The following DACH2 variants were observed in gnomAD, a reference collection of about 807,000 sequenced individuals.
DACH2 encodes the protein dachshund homolog 2.
A neutral mutation model predicts 35.8 loss-of-function variants in DACH2; 17 were observed. The observed-to-expected ratio is 0.48, with a 90% CI of 0.33 to 0.71. The LOEUF (loss-of-function observed/expected upper bound fraction) is 0.71, where lower values mean the gene tolerates loss of function less well. Ranked by LOEUF, DACH2 falls within the 30% of genes least tolerant of loss-of-function variation. DACH2 has a pLI of 0.02. For missense variants in DACH2, 469 were observed against 472.7 expected (o/e 0.99, Z 0.07); for synonymous variants, 195 against 177.3 (o/e 1.10, Z -0.79).
At chrX:86,210,860 C>T (rs1328827144) in intron 1 of DACH2, among the ~76,000 whole-genome samples, 2 of 111,638 alleles carry the variant, frequency 1.8e-5, no homozygotes, top group African/African-American at 6.5e-5. Flanking sequence ...GAATGTCAGA[C>T]GTGTCAGGGG....
intron 1 of DACH2, among the ~76,000 whole-genome samples, chrX:86,182,892 T>G (rs762889222): frequency 9.8e-5 from 11 of 111,943 alleles, no homozygotes; most frequent in Non-Finnish European, 1.7e-4. Flanking sequence ...GTCGTCTGCA[T>G]GCCTTATAAG....
chrX:86,735,608 T>C, intron 6 of DACH2, among the ~76,000 whole-genome samples: 1 of 111,702 alleles, frequency 9.0e-6, no homozygotes, highest in East Asian at 2.8e-4. Flanking sequence ...TGAGTTATTA[T>C]TGAAGATTGT....
At chrX:86,514,204 A>C in intron 2 of DACH2, 75 bp from the exon 3 acceptor site, 1 of 916,959 alleles carries the variant, frequency 1.1e-6, no homozygotes, top group Non-Finnish European at 1.5e-6. Flanking sequence ...TTTAAAAGGT[A>C]AATATTGCAA....
intron 3 of DACH2, among the ~76,000 whole-genome samples, chrX:86,644,134 G>GA (rs922304547): frequency 3.6e-5 from 4 of 111,038 alleles, no homozygotes; most frequent in African/African-American, 1.3e-4. Context: ...GCAAAGGAAA[G>GA]AAAAAAGGGC....
intron 3 of DACH2, among the ~76,000 whole-genome samples, chrX:86,624,037 A>G (rs1372028983): frequency 2.5e-5 from 2 of 78,451 alleles, no homozygotes; most frequent in South Asian, 8.1e-4. Flanking sequence ...GACAGAGCGA[A>G]ACTCCGTCTC....
intron 1 of DACH2, among the ~76,000 whole-genome samples, chrX:86,312,144 A>G (rs2034814938): frequency 8.9e-6 from 1 of 112,172 alleles, no homozygotes; most frequent in Non-Finnish European, 1.9e-5. Context: ...AGAAACGAGG[A>G]CTGTGTCATG....
intron 3 of DACH2, among the ~76,000 whole-genome samples, chrX:86,579,313 G>A (rs1254409679): frequency 2.7e-5 from 3 of 110,919 alleles, no homozygotes; most frequent in African/African-American, 9.9e-5. Flanking sequence ...GGCTGGTCTC[G>A]AACTCCTGAC....
At chrX:86,765,697 G>GTTTTTTTTTTTT (rs2041925172) in intron 7 of DACH2, among the ~76,000 whole-genome samples, 13 of 35,213 alleles carry the variant, frequency 3.7e-4, no homozygotes, top group Non-Finnish European at 5.8e-4. Flanking sequence ...GTTGTTTTTT[G>GTTTTTTTTTTTT]GTTTTTTTTT....
At chrX:86,508,876 A>G (rs1465893766) in intron 2 of DACH2, among the ~76,000 whole-genome samples, 1 of 111,916 alleles carries the variant, frequency 8.9e-6, no homozygotes, top group Non-Finnish European at 1.9e-5. Context: ...TAAATTGTCT[A>G]TGCCATCAGA....
chrX:86,756,327 A>C (rs1421162060), intron 7 of DACH2, among the ~76,000 whole-genome samples: 1 of 111,346 alleles, frequency 9.0e-6, no homozygotes, highest in Non-Finnish European at 1.9e-5. Flanking sequence ...TGCTTTGGGC[A>C]TTATGGTAAT....
intron 3 of DACH2, among the ~76,000 whole-genome samples, chrX:86,610,505 T>G (rs1338393910): frequency 1.9e-5 from 2 of 107,171 alleles, no homozygotes; most frequent in African/African-American, 6.8e-5. Context: ...GGCTCAATCT[T>G]GGCTCACTGC....
intron 1 of DACH2, among the ~76,000 whole-genome samples, chrX:86,328,228 C>A (rs763733053): frequency 9.0e-6 from 1 of 111,353 alleles, no homozygotes; most frequent in African/African-American, 3.3e-5. Context: ...ACTGAGAGAA[C>A]GAAAATCTTA....
At chrX:86,403,315 C>A (rs776024753) in intron 2 of DACH2, among the ~76,000 whole-genome samples, 95 of 111,464 alleles carry the variant, frequency 8.5e-4, no homozygotes, top group Non-Finnish European at 1.5e-3. Flanking sequence ...CAGAATCTAT[C>A]AGGATCTTAA....
chrX:86,667,283 GAGGA>G (rs1211615364), intron 4 of DACH2, among the ~76,000 whole-genome samples: 2 of 54,964 alleles, frequency 3.6e-5, no homozygotes, highest in Middle Eastern at 0.011. Context: ...GAGAGAGAGA[GAGGA>G]AGGAAGGAAG....
At chrX:86,379,044 T>C (rs1175320962) in intron 2 of DACH2, among the ~76,000 whole-genome samples, 1 of 111,266 alleles carries the variant, frequency 9.0e-6, no homozygotes, top group East Asian at 2.8e-4. Flanking sequence ...TTAAGTATAG[T>C]TCTCATCACA....
intron 6 of DACH2, among the ~76,000 whole-genome samples, chrX:86,717,747 A>AATATATATAT (rs3071844): frequency 5.1e-5 from 5 of 98,522 alleles, no homozygotes; most frequent in East Asian, 3.1e-4. Flanking sequence ...TATTATATAT[A>AATATATATAT]ATATATATAT....
chrX:86,281,267 C>T (rs779514849), intron 1 of DACH2, among the ~76,000 whole-genome samples: 4 of 111,189 alleles, frequency 3.6e-5, no homozygotes, highest in Admixed American at 9.7e-5. Flanking sequence ...TACTGGCAAA[C>T]CAAATCCAGC....
rs1340811617 is a variant in DACH2, at chrX:86,717,763, T to TATAC, written c.1104+3044_1104+3045insTACA. 3.8e-3 allele frequency among the ~76,000 whole-genome samples: 401 copies of TATAC among 104,357 alleles called. 2 individuals carry two copies. Among genetic ancestry groups the TATAC allele is most frequent in the African/African-American group, 0.013 (369 of 29,002 alleles). 90.6% of individuals were successfully genotyped at this position (104,357 alleles called of 115,157 possible). On this transcript the variant is annotated intron_variant, in intron 6 of 11. Coordinates refer to ENST00000373125, the MANE Select transcript of DACH2 (RefSeq NM_053281.3). ...ATTATATATAATATATATATATATATACATATATATGAATACTATTTGGAA... is the reference window on the plus strand; with the variant it reads ...ATTATATATAATATATATATATATATATACACATATATATGAATACTATTTGGAA...
chrX:86,332,041 A>C (rs5968895), intron 1 of DACH2, among the ~76,000 whole-genome samples: 2 of 111,150 alleles, frequency 1.8e-5, no homozygotes, highest in Non-Finnish European at 3.8e-5. Context: ...TAAGCTAAGC[A>C]AAAGCTCAGA....
Sources: allele counts gnomAD v4.1 joint callset (sites outside exome capture counted in the v4.1 genomes callset), GRCh38; gene constraint gnomAD v4.1.1; transcripts MANE v1.5; gene names NCBI Gene and HGNC (gene_info 2026-07-23, HGNC 2026-07-21).